FBLN1: variants seen among roughly 807,000 people sequenced by gnomAD.
FBLN1 encodes fibulin-1.
FBLN1 carries 34 observed loss-of-function variants against 89.7 expected under a neutral mutation model. That is an observed-to-expected ratio of 0.38 (90% CI 0.29 to 0.50). FBLN1 has a LOEUF of 0.50. FBLN1 is among the 20% of genes least tolerant of loss of function. The pLI, the probability that FBLN1 is intolerant of heterozygous loss-of-function variation, is 0.92. For synonymous variants in FBLN1, 393 were observed against 391.3 expected, an observed-to-expected ratio of 1.00 and a Z score of -0.05; for missense variants, 777 against 988.1, an observed-to-expected ratio of 0.79 and a Z score of 2.86.
intron 16 of FBLN1, among the ~76,000 whole-genome samples, chr22:45,592,011 G>A (rs961242295): frequency 3.3e-5 from 5 of 151,532 alleles, no homozygotes; most frequent in Admixed American, 2.0e-4. Flanking sequence ...TGTCCTGCGC[G>A]CCATTTTGCA....
rs1433712987 is a variant in FBLN1, at chr22:45,557,870, TCA to T, written c.1697+7256_1697+7257del. On this transcript the variant is annotated intron_variant, in intron 14 of 16. Transcript: ENST00000327858. The surrounding 1 kb of genome is among the most constrained non-coding windows in gnomAD (Gnocchi z 4.9). ...AATCAGTATGTAATCGCACATCTGG[TCA>T]TTTCTCCTTCCATGCAAAGTGCACA... 2.6e-5 allele frequency among the ~76,000 whole-genome samples: 4 copies of T among 152,198 alleles called. No individual in the cohort carries two copies. Among genetic ancestry groups the T allele is most frequent in the African/African-American group, 9.7e-5 (4 of 41,442 alleles).
chr22:45,506,693 A>C (rs1019314691), intron 1 of FBLN1, among the ~76,000 whole-genome samples: 1 of 152,192 alleles, frequency 6.6e-6, no homozygotes, highest in Non-Finnish European at 1.5e-5. Flanking sequence ...ACTTCCAGGG[A>C]AACCCCCTCC....
rs372215861 is a variant in FBLN1, at chr22:45,554,672, C to T, written c.1697+4057C>T. The stretch of plus-strand genomic sequence containing the variant: ...CCAAAAGGGAGATGTGATAGAAGGC[C>T]AGGACGAGAGGATGCTCCTGACCTC... On this transcript the variant is annotated intron_variant, in intron 14 of 16. Coordinates refer to ENST00000327858, the MANE Select transcript of FBLN1 (RefSeq NM_006486.3). 8.5e-4 allele frequency among the ~76,000 whole-genome samples: 130 copies of T among 152,338 alleles called. 2 individuals carry two copies. In the South Asian group the frequency reaches 0.011, roughly 13 times the overall value.
At position 45,550,429 on chromosome 22, in the gene FBLN1, C is replaced by T; in HGVS notation, c.1574-63C>T. The stretch of plus-strand genomic sequence containing the variant: ...TGATGGGAGGCCTGGGCTCCTCCGT[C>T]TCCAGATGGGTATGGCTCCTGCAGC... On this transcript the variant is annotated intron_variant, in intron 13 of 16. Coordinates refer to ENST00000327858, the MANE Select transcript of FBLN1 (RefSeq NM_006486.3). The surrounding 1 kb of genome is among the most constrained non-coding windows in gnomAD (Gnocchi z 8.4). The T allele has an allele frequency of 5.6e-6, 9 of 1,612,662 alleles. No individual in the cohort carries two copies. The highest frequency in any genetic ancestry group is 7.6e-6 in the Non-Finnish European group (9 of 1,179,720).
At chr22:45,560,976 C>T (rs370113658) in intron 14 of FBLN1, among the ~76,000 whole-genome samples, 12 of 151,932 alleles carry the variant, frequency 7.9e-5, no homozygotes, top group Admixed American at 2.0e-4. Flanking sequence ...GCTGATGGGT[C>T]GGGGCGGGGA....
Position 45,532,880 on chromosome 22 carries a change from G to A in FBLN1, c.545-183G>A. The A allele has an allele frequency of 1.6e-6, 1 of 638,370 alleles. No homozygotes were observed. Among genetic ancestry groups the A allele is most frequent in the Admixed American group, 2.3e-5 (1 of 43,424 alleles). The allele number at this position is 638,370 out of a possible 1,614,324, so 39.5% of individuals were successfully genotyped here. A position where few individuals can be genotyped will look rare whatever the true frequency, so the allele number is the denominator to read the frequency against. On this transcript the variant is annotated intron_variant, in intron 5 of 16. Coordinates refer to ENST00000327858, the MANE Select transcript of FBLN1 (RefSeq NM_006486.3). The surrounding 1 kb of genome is among the most constrained non-coding windows in gnomAD (Gnocchi z 4.2). ...GGACCTGAAGCAGCAGCCCCTGGGG[G>A]GTGTCCAGAGCCAGAGCCTGGGGGT...
chr22:45,510,272 G>A (rs1054431124), intron 1 of FBLN1, among the ~76,000 whole-genome samples: 1 of 152,154 alleles, frequency 6.6e-6, no homozygotes, highest in Non-Finnish European at 1.5e-5. Context: ...GGCCGGCTTT[G>A]TAGAGGTCCC....
In FBLN1 at chr22:45,533,783, C is replaced by T; in HGVS notation, c.669C>T (p.Gly223=). 6.2e-7 allele frequency: 1 copy of T among 1,612,966 alleles called. No individual in the cohort carries two copies. ...TAGATGTCAATGAATGCATCACGGG[C>T]AGCCACAGCTGCCGGCTTGGAGAAT... The part of the protein sequence containing the change: ...SCEDVNECIT[G]SHSCRLGESC... The change falls in exon 7 of 17, where the codon GGC becomes GGT. Residue 223 remains glycine, a synonymous_variant. Coordinates refer to ENST00000327858, the MANE Select transcript of FBLN1 (RefSeq NM_006486.3).
intron 1 of FBLN1, among the ~76,000 whole-genome samples, chr22:45,504,750 C>T (rs958294979): frequency 6.6e-6 from 1 of 152,146 alleles, no homozygotes; most frequent in South Asian, 2.1e-4. Context: ...CCAGGACTTG[C>T]GGGCCCAGTG....
chr22:45,522,988 G>T, intron 2 of FBLN1: 1 of 547,466 alleles, frequency 1.8e-6, no homozygotes, highest in Admixed American at 2.9e-5. Context: ...AGAATGCAAA[G>T]AAAGTAATAA....
chr22:45,524,237 C>T (rs2088290041), intron 2 of FBLN1, among the ~76,000 whole-genome samples: 1 of 152,202 alleles, frequency 6.6e-6, no homozygotes, highest in South Asian at 2.1e-4. Flanking sequence ...GGGAGGCCCC[C>T]ACCCTCTCTC....
chr22:45,594,942 G>A (rs563497919), intron 16 of FBLN1, among the ~76,000 whole-genome samples: 1 of 152,278 alleles, frequency 6.6e-6, no homozygotes, highest in South Asian at 2.1e-4. Context: ...ATGAAGAAAA[G>A]TGGTATCAGA....
chr22:45,553,599 G>C (rs1313572450), intron 14 of FBLN1, among the ~76,000 whole-genome samples: 1 of 152,244 alleles, frequency 6.6e-6, no homozygotes, highest in Non-Finnish European at 1.5e-5. Context: ...GGAAAATCAA[G>C]GACATGTTTA....
chr22:45,547,183 G>A lies in FBLN1; in HGVS notation c.1420G>A (p.Val474Met), dbSNP rs761136393. ...CCGGCGAGGCTACCAGCTCAGCGAT[G>A]TGGATGGAGTCACCTGTGAAGGTGC... ...YCRRGYQLSD[V>M]DGVTCEDIDE... Residue 474 changes from valine to methionine, a missense_variant, in exon 12 of 17, where the codon GTG (valine) becomes ATG (methionine). Physicochemically the swap from Val to Met is conservative, Grantham distance 21. Transcript: ENST00000327858. 16 of 1,613,954 alleles carry A rather than the reference G, an allele frequency of 9.9e-6. No homozygotes were observed. The highest frequency in any genetic ancestry group is 1.3e-5 in the Non-Finnish European group (15 of 1,180,040).
Position 45,518,710 on chromosome 22 carries a change from C to A in FBLN1, c.108C>A (p.Cys36Ter), listed in dbSNP as rs1391565713. Residue 36 changes from cysteine (C) to a stop codon, truncating the protein, a stop_gained, in exon 2 of 17, where the codon TGC becomes TGA. Transcript: ENST00000327858. LOFTEE classifies it high-confidence loss of function. ...GVDADVLLEA[C>*]CADGHRMATH... ...ACGCGGATGTCCTCCTGGAGGCCTG[C>A]TGTGCGGACGGACACCGGATGGCCA... 6.2e-7 allele frequency: 1 copy of A among 1,610,706 alleles called. No individual in the cohort carries two copies.
At chr22:45,554,010 T>G (rs1174237984) in intron 14 of FBLN1, among the ~76,000 whole-genome samples, 1 of 152,250 alleles carries the variant, frequency 6.6e-6, no homozygotes, top group African/African-American at 2.4e-5. Context: ...CTTGTGTGTG[T>G]GCATACATTG....
rs148304235 is a variant in FBLN1 at position 45,513,816 on chromosome 22, C to T, written c.80-4866C>T. ...AAAGCTTGTTTATTTTATTTTGAGA[C>T]GGAGTCTTGCTCTGTCGCCCAGGCT... On this transcript the variant is annotated intron_variant, in intron 1 of 16. Coordinates refer to ENST00000327858, the MANE Select transcript of FBLN1 (RefSeq NM_006486.3). Among the ~76,000 whole-genome samples, 41 of 151,710 alleles carry T rather than the reference C, an allele frequency of 2.7e-4. No homozygotes were observed. The East Asian group carries it at 4.3e-3, about 16-fold the overall frequency.
intron 3 of FBLN1, among the ~76,000 whole-genome samples, chr22:45,525,899 C>G (rs1004368466): frequency 6.6e-6 from 1 of 152,242 alleles, no homozygotes; most frequent in Non-Finnish European, 1.5e-5. Context: ...GGCCGAGTCT[C>G]CCACGAGGCC....
In FBLN1 at chr22:45,536,325, G is replaced by T. The variant is rs1370301319; in HGVS notation, c.922+988G>T. On this transcript the variant is annotated intron_variant, in intron 8 of 16. Transcript: ENST00000327858. The surrounding 1 kb of genome is among the most constrained non-coding windows in gnomAD (Gnocchi z 5.1). The stretch of plus-strand genomic sequence containing the variant: ...GCGCAGAGTTTCAGTTTGAGAAGAT[G>T]AAAAAGTTCTGGAGATGGATGGGGG... Among the ~76,000 whole-genome samples the T allele has an allele frequency of 6.6e-6, 1 of 152,154 alleles. No individual in the cohort carries two copies. Among genetic ancestry groups the T allele is most frequent in the Non-Finnish European group, 1.5e-5 (1 of 68,030 alleles).
Sources: gnomAD v4.1 joint callset for allele counts (sites outside exome capture counted in the v4.1 genomes callset) on GRCh38, gnomAD v4.1.1 for gene constraint, Gnocchi (gnomAD v3.1) non-coding constraint, MANE v1.5 for transcripts, NCBI Gene and HGNC (gene_info 2026-07-23, HGNC 2026-07-21) for gene names.